The following PCDH15 variants were observed in gnomAD, a reference collection of about 807,000 sequenced individuals.
The protein encoded by PCDH15 is protocadherin related 15.
Under a neutral mutation model 178.5 loss-of-function variants are expected in PCDH15, and 129 were observed. That is an observed-to-expected ratio of 0.72 (90% CI 0.63 to 0.84). The LOEUF is 0.84. Ranked by LOEUF, PCDH15 falls within the 40% of genes least tolerant of loss-of-function variation. The pLI is 0.00. For missense variants in PCDH15, 2,230 were observed against 2,099.9 expected (o/e 1.06, Z -1.21); for synonymous variants, 800 against 732.0 (o/e 1.09, Z -1.50).
At chr10:54,887,388 C>G (rs370115140) in intron 3 of PCDH15, among the ~76,000 whole-genome samples, 6 of 152,130 alleles carry the variant, frequency 3.9e-5, no homozygotes, top group Non-Finnish European at 8.8e-5. Flanking sequence ...TTGATATAGA[C>G]ACAATGTTTA....
At chr10:53,948,486 A>G (rs2086756519) in intron 23 of PCDH15, among the ~76,000 whole-genome samples, 1 of 152,190 alleles carries the variant, frequency 6.6e-6, no homozygotes, top group Admixed American at 6.6e-5. Flanking sequence ...TAAGTACATT[A>G]CTTAATGGCA....
intron 1 of PCDH15, among the ~76,000 whole-genome samples, chr10:55,222,033 A>ATTT (rs59795608): frequency 7.9e-5 from 11 of 138,904 alleles, no homozygotes; most frequent in Middle Eastern, 3.7e-3. Context: ...CACCCGGCTA[A>ATTT]TTTTTTTTTT....
intron 2 of PCDH15, among the ~76,000 whole-genome samples, chr10:55,095,207 G>C (rs549650377): frequency 1.3e-5 from 2 of 152,050 alleles, no homozygotes; most frequent in South Asian, 2.1e-4. Context: ...CTTCCAAAGT[G>C]TTGGGATTAC....
At chr10:55,556,656 C>T (rs1322859209) in intron 2 of PCDH15, among the ~76,000 whole-genome samples, 2 of 151,790 alleles carry the variant, frequency 1.3e-5, no homozygotes, top group African/African-American at 2.4e-5. Context: ...TATGGTGAAA[C>T]CCTGTCCCGC....
intron 1 of PCDH15, among the ~76,000 whole-genome samples, chr10:54,667,847 T>C (rs949124496): frequency 3.9e-5 from 6 of 152,136 alleles, no homozygotes; most frequent in African/African-American, 1.2e-4. Flanking sequence ...AGTACTCTAA[T>C]ATAGCTAATA....
At chr10:55,033,107 A>G (rs1428550093) in intron 2 of PCDH15, among the ~76,000 whole-genome samples, 5 of 152,106 alleles carry the variant, frequency 3.3e-5, no homozygotes, top group Admixed American at 6.5e-5. Context: ...CCTGGACTTC[A>G]AGTGATACCT....
At chr10:54,979,036 T>C (rs1839151178) in intron 2 of PCDH15, among the ~76,000 whole-genome samples, 1 of 152,176 alleles carries the variant, frequency 6.6e-6, no homozygotes, top group East Asian at 1.9e-4. Flanking sequence ...GTGATGTAAA[T>C]ATTATTTATC....
intron 1 of PCDH15, among the ~76,000 whole-genome samples, chr10:55,318,560 A>T (rs1403360286): frequency 6.6e-6 from 1 of 152,172 alleles, no homozygotes; most frequent in Non-Finnish European, 1.5e-5. Context: ...GACAGAAATG[A>T]AGAAGTACCC....
intron 15 of PCDH15, among the ~76,000 whole-genome samples, chr10:54,122,002 T>TACACACACACACACACACACACACAC (rs57135050): frequency 9.6e-5 from 14 of 146,410 alleles, no homozygotes; most frequent in South Asian, 2.2e-4. Context: ...CAAAGACACA[T>TACACACACACACACACACACACACAC]ACACACACAC....
intron 3 of PCDH15, among the ~76,000 whole-genome samples, chr10:54,394,930 G>T (rs1429374100): frequency 6.6e-6 from 1 of 152,072 alleles, no homozygotes; most frequent in African/African-American, 2.4e-5. Context: ...GCTCTGTTCT[G>T]CCCAGCTCAC....
At chr10:54,776,742 T>C (rs1463550635) in intron 1 of PCDH15, among the ~76,000 whole-genome samples, 1 of 152,212 alleles carries the variant, frequency 6.6e-6, no homozygotes, top group Non-Finnish European at 1.5e-5. Context: ...GGTTTTGTCA[T>C]GTTTTATGCT....
intron 17 of PCDH15, among the ~76,000 whole-genome samples, chr10:54,073,744 AAC>A (rs2094289590): frequency 6.6e-6 from 1 of 152,204 alleles, no homozygotes. Flanking sequence ...AATATTGCTG[AAC>A]ACACGGAATC....
intron 7 of PCDH15, among the ~76,000 whole-genome samples, chr10:54,320,024 C>T (rs2061499345): frequency 6.6e-6 from 1 of 151,894 alleles, no homozygotes; most frequent in Non-Finnish European, 1.5e-5. Flanking sequence ...AAAATTATAG[C>T]TTAAAAAAAC....
At chr10:55,449,824 T>A (rs1296675280) in intron 2 of PCDH15, among the ~76,000 whole-genome samples, 1 of 152,006 alleles carries the variant, frequency 6.6e-6, no homozygotes, top group East Asian at 1.9e-4. Context: ...TTTCACTAAT[T>A]TTTTTTCTGA....
At chr10:54,022,740 A>G (rs560317559) in intron 19 of PCDH15, 152 bp downstream of exon 19, 1 of 793,702 alleles carries the variant, frequency 1.3e-6, no homozygotes, top group African/African-American at 1.7e-5. Flanking sequence ...AATATGCAAT[A>G]TTGGAGAAAT....
intron 2 of PCDH15, among the ~76,000 whole-genome samples, chr10:55,515,272 C>T (rs1011274656): frequency 2.6e-5 from 4 of 151,930 alleles, no homozygotes; most frequent in South Asian, 2.1e-4. Context: ...AGCCACTGCG[C>T]GTGGCCGGGG....
At chr10:53,885,658 C>T (rs951890563) in intron 26 of PCDH15, among the ~76,000 whole-genome samples, 15 of 152,080 alleles carry the variant, frequency 9.9e-5, no homozygotes, top group African/African-American at 3.6e-4. Flanking sequence ...TAAGATAATA[C>T]TACTCATTTA....
intron 2 of PCDH15, among the ~76,000 whole-genome samples, chr10:55,100,310 T>C (rs77354634): frequency 0.041 from 6,183 of 152,252 alleles, 303 homozygotes; most frequent in East Asian, 0.14. Flanking sequence ...AGATGTTCAA[T>C]ACATATTTTA....
chr10:54,521,010 A>G (rs887651787), intron 3 of PCDH15, among the ~76,000 whole-genome samples: 6 of 144,718 alleles, frequency 4.1e-5, no homozygotes, highest in Non-Finnish European at 3.0e-5. Context: ...GGAATTGAAC[A>G]ATGAGAACAC....
Sources: allele counts gnomAD v4.1 joint callset (sites outside exome capture counted in the v4.1 genomes callset), GRCh38; gene constraint gnomAD v4.1.1; transcripts MANE v1.5; gene names NCBI Gene and HGNC (gene_info 2026-07-23, HGNC 2026-07-21).